ACACA: variants seen among roughly 807,000 people sequenced by gnomAD.
ACACA encodes the protein acetyl-CoA carboxylase alpha.
ACACA carries 103 observed loss-of-function variants against 296.1 expected under a neutral mutation model. The observed-to-expected ratio is 0.35, with a 90% CI of 0.30 to 0.41. The LOEUF is 0.41. Among genes scored for constraint, ACACA ranks in the 10% least tolerant of loss-of-function variants. The pLI, the probability that ACACA is intolerant of heterozygous loss-of-function variation, is 1.00. For missense variants in ACACA, 1,554 were observed against 2,989.7 expected (o/e 0.52, Z 11.20); for synonymous variants, 953 against 1,038.6 (o/e 0.92, Z 1.58).
chr17:37,160,848 G>C (rs1216898550), intron 42 of ACACA, among the ~76,000 whole-genome samples: 2 of 152,176 alleles, frequency 1.3e-5, no homozygotes, highest in African/African-American at 4.8e-5. Flanking sequence ...GGATAAACAG[G>C]TGAGTTCAAC....
rs2083494941 is a variant in ACACA at position 37,299,168 on chromosome 17, T to G, written c.339-14198A>C. On this transcript the variant is annotated intron_variant, in intron 3 of 55. Transcript: ENST00000616317. ...TTTTCTTAAAAAAAATAGCCTTCAT[T>G]TTTTAAAGATAGAAAAAAAATGATC... The G allele has an allele frequency of 3.4e-6, 4 of 1,189,324 alleles. No individual in the cohort carries two copies. In the East Asian group the frequency reaches 7.7e-5, roughly 23 times the overall value. 73.7% of individuals were successfully genotyped at this position (1,189,324 alleles called of 1,614,324 possible).
At chr17:37,342,367 C>T (rs1447242509) in intron 1 of ACACA, among the ~76,000 whole-genome samples, 2 of 122,738 alleles carry the variant, frequency 1.6e-5, no homozygotes, top group Non-Finnish European at 3.1e-5. Flanking sequence ...AAGAATGCAC[C>T]ACTGCGCTCC....
chr17:37,330,815 G>C (rs1301595783), intron 2 of ACACA, among the ~76,000 whole-genome samples: 2 of 152,076 alleles, frequency 1.3e-5, no homozygotes, highest in African/African-American at 4.8e-5. Flanking sequence ...AAATGGTAAG[G>C]GTCTGGATAG....
At chr17:37,401,196 CTT>C (rs1234610912) in intron 1 of ACACA, among the ~76,000 whole-genome samples, 21 of 134,294 alleles carry the variant, frequency 1.6e-4, no homozygotes, top group Non-Finnish European at 2.1e-4. Flanking sequence ...TTTTGTTTTT[CTT>C]TTTTTTTTTT....
intron 14 of ACACA, among the ~76,000 whole-genome samples, 158 bp downstream of exon 14, chr17:37,257,545 T>C (rs1394340240): frequency 6.6e-6 from 1 of 152,198 alleles, no homozygotes; most frequent in African/African-American, 2.4e-5. Context: ...TAATACAACA[T>C]GAATGCAAGT....
At chr17:37,129,697 G>A (rs534924639) in intron 46 of ACACA, among the ~76,000 whole-genome samples, 5 of 152,258 alleles carry the variant, frequency 3.3e-5, no homozygotes, top group Admixed American at 2.0e-4. Context: ...GGCACAAAGT[G>A]GTGTGTTTTG....
chr17:37,285,679 C>A (rs529585507), intron 3 of ACACA, among the ~76,000 whole-genome samples: 1 of 134,494 alleles, frequency 7.4e-6, no homozygotes. Context: ...CTGGCACAGT[C>A]GTGTGTTCCT....
chr17:37,151,449 G>A (rs1460946923), intron 43 of ACACA, 28 bp from the exon 44 acceptor site: 6 of 1,612,244 alleles, frequency 3.7e-6, no homozygotes, highest in Non-Finnish European at 5.1e-6. Context: ...GTCAAATTAT[G>A]AATGTTAAAC....
intron 38 of ACACA, among the ~76,000 whole-genome samples, chr17:37,189,237 A>C (rs961380863): frequency 5.3e-5 from 8 of 152,208 alleles, no homozygotes; most frequent in African/African-American, 1.7e-4. Context: ...TTTTTTCCCC[A>C]ACATGGCTGC....
At chr17:37,376,505 G>A (rs1431851996) in intron 1 of ACACA, among the ~76,000 whole-genome samples, 1 of 152,184 alleles carries the variant, frequency 6.6e-6, no homozygotes, top group Non-Finnish European at 1.5e-5. Context: ...CCTTTTTTAA[G>A]TTGGTACATG....
Position 37,252,909 on chromosome 17 carries a change from T to C in ACACA, c.1954A>G (p.Arg652Gly). The C allele has an allele frequency of 6.2e-7, 1 of 1,614,226 alleles. No homozygotes were observed. Among genetic ancestry groups the C allele is most frequent in the Non-Finnish European group, 8.5e-7 (1 of 1,180,050 alleles). ...MNRIDTGWLD[R>G]LIAEKVQAER... ...ACCTGTACTTTTTCTGCTATCAGTC[T>C]GTCCAGCCAGCCAGTATCAATTCTG... is the stretch of plus-strand genomic sequence containing the variant. Residue 652 changes from arginine (R) to glycine (G), a missense_variant, in exon 15 of 56, where the codon AGA becomes GGA. Physicochemically the swap from Arg to Gly is moderately radical, Grantham distance 125 (BLOSUM62 -2). Coordinates refer to ENST00000616317, the MANE Select transcript of ACACA (RefSeq NM_198834.3).
chr17:37,404,867 C>A (rs574748211), intron 1 of ACACA, among the ~76,000 whole-genome samples: 1 of 152,170 alleles, frequency 6.6e-6, no homozygotes, highest in East Asian at 1.9e-4. Context: ...TGTGAGCCAC[C>A]GCTCCCAGCC....
intron 41 of ACACA, among the ~76,000 whole-genome samples, chr17:37,167,652 G>A (rs2076732445): frequency 6.8e-6 from 1 of 147,482 alleles, no homozygotes; most frequent in Non-Finnish European, 1.5e-5. Context: ...GAGAAATTAA[G>A]GAAGTATGTT....
intron 3 of ACACA, among the ~76,000 whole-genome samples, chr17:37,319,362 T>C (rs2047238774): frequency 6.6e-6 from 1 of 152,156 alleles, no homozygotes; most frequent in Non-Finnish European, 1.5e-5. Flanking sequence ...GTGTACAGTA[T>C]GACCTCATTT....
intron 1 of ACACA, among the ~76,000 whole-genome samples, chr17:37,381,868 CT>C (rs1568082207): frequency 6.6e-6 from 1 of 151,504 alleles, no homozygotes; most frequent in African/African-American, 2.4e-5. Context: ...ACCTTGTGAT[CT>C]GCCCGCCTTG....
At chr17:37,122,487 A>C (rs754294582) in intron 49 of ACACA, 44 bp downstream of exon 49, 19 of 1,530,110 alleles carry the variant, frequency 1.2e-5, no homozygotes, top group Non-Finnish European at 1.7e-5. Context: ...TGCGAAGAGA[A>C]AAACCCTCCA....
At chr17:37,130,253 C>G (rs1217196252) in intron 45 of ACACA, 35 bp from the exon 46 acceptor site, 1 of 1,613,026 alleles carries the variant, frequency 6.2e-7, no homozygotes, top group Non-Finnish European at 8.5e-7. Flanking sequence ...ACATTTGTCT[C>G]TATAGAAATA....
At position 37,188,494 on chromosome 17, in the gene ACACA, A is replaced by G; in HGVS notation, c.4573-14T>C. 2 of 1,612,384 alleles carry G rather than the reference A, an allele frequency of 1.2e-6. No homozygotes were observed. Among genetic ancestry groups the G allele is most frequent in the Non-Finnish European group, 8.5e-7 (1 of 1,179,892 alleles). The stretch of plus-strand genomic sequence containing the variant: ...GGATTCCTCAATCTGACACAGACAC[A>G]TCACCAAGCACAAAACTTAAATATC... On this transcript the variant is annotated splice_polypyrimidine_tract_variant and intron_variant, in intron 38 of 55. Coordinates refer to ENST00000616317, the MANE Select transcript of ACACA (RefSeq NM_198834.3).
intron 28 of ACACA, among the ~76,000 whole-genome samples, chr17:37,222,315 G>A (rs908657882): frequency 2.0e-5 from 3 of 152,050 alleles, no homozygotes; most frequent in African/African-American, 4.8e-5. Context: ...TTTGTCTTGC[G>A]TCCTCCCCGA....
Sources: allele counts gnomAD v4.1 joint callset (sites outside exome capture counted in the v4.1 genomes callset), GRCh38; gene constraint gnomAD v4.1.1; transcripts MANE v1.5; gene names NCBI Gene and HGNC (gene_info 2026-07-23, HGNC 2026-07-21).